SCFD2: variants seen among roughly 807,000 people sequenced by gnomAD.
The protein encoded by SCFD2 is sec1 family domain-containing protein 2.
In SCFD2, 54 loss-of-function variants were observed where a neutral mutation model predicts 58.9. That is an observed-to-expected ratio of 0.92 (90% CI 0.74 to 1.15). The LOEUF is 1.15. Ranked by LOEUF, SCFD2 falls within the 50% of genes most tolerant of loss-of-function variation. The probability of loss-of-function intolerance (pLI) is 0.00; values close to 1 mark genes in which losing one functional copy is unlikely to be tolerated. For synonymous variants in SCFD2, 321 were observed against 335.9 expected, an observed-to-expected ratio of 0.96 and a Z score of 0.49; for missense variants, 805 against 836.6, an observed-to-expected ratio of 0.96 and a Z score of 0.47.
At chr4:53,242,431 A>G (rs1729925393) in intron 4 of SCFD2, among the ~76,000 whole-genome samples, 1 of 150,466 alleles carries the variant, frequency 6.6e-6, no homozygotes, top group African/African-American at 2.5e-5. Context: ...CATTATACCA[A>G]AAATAAACCC....
intron 5 of SCFD2, among the ~76,000 whole-genome samples, chr4:53,064,173 A>G (rs1218335796): frequency 6.6e-6 from 1 of 151,906 alleles, no homozygotes; most frequent in East Asian, 1.9e-4. Context: ...GGTTTGTTAC[A>G]TGGGTATGTT....
intron 5 of SCFD2, among the ~76,000 whole-genome samples, chr4:53,033,968 C>A (rs1159191737): frequency 6.6e-6 from 1 of 152,124 alleles, no homozygotes; most frequent in Admixed American, 6.5e-5. Context: ...TTTTATGAGG[C>A]CAGAATCATC....
At chr4:53,330,924 A>G (rs1403956330) in intron 2 of SCFD2, among the ~76,000 whole-genome samples, 2 of 151,810 alleles carry the variant, frequency 1.3e-5, no homozygotes, top group Admixed American at 1.3e-4. Context: ...ATGGAAAACA[A>G]AAAAAGGCAG....
intron 3 of SCFD2, among the ~76,000 whole-genome samples, chr4:53,278,368 A>AG (rs1731399677): frequency 6.7e-6 from 1 of 148,524 alleles, no homozygotes; most frequent in East Asian, 2.0e-4. Context: ...TAAAAAAAAA[A>AG]AAAAAGAAAA....
intron 5 of SCFD2, among the ~76,000 whole-genome samples, chr4:53,122,130 A>T (rs1348645238): frequency 6.6e-6 from 1 of 152,146 alleles, no homozygotes; most frequent in Non-Finnish European, 1.5e-5. Context: ...TAATCCCAGC[A>T]CTTCGGGAGG....
chr4:53,356,952 C>G (rs1323467548), intron 1 of SCFD2, among the ~76,000 whole-genome samples: 2 of 151,764 alleles, frequency 1.3e-5, no homozygotes, highest in African/African-American at 4.8e-5. Context: ...ATTTTTAAAC[C>G]ACCACACCTA....
At chr4:53,319,208 T>C (rs1560444938) in intron 2 of SCFD2, among the ~76,000 whole-genome samples, 2 of 152,344 alleles carry the variant, frequency 1.3e-5, no homozygotes, top group East Asian at 3.9e-4. Context: ...TCCACATTAA[T>C]TCCGGAAGCA....
At chr4:52,999,719 C>A (rs1423136073) in intron 5 of SCFD2, among the ~76,000 whole-genome samples, 1 of 152,160 alleles carries the variant, frequency 6.6e-6, no homozygotes, top group African/African-American at 2.4e-5. Context: ...TTGCCTGCTT[C>A]TTCTATAATG....
chr4:53,132,324 AT>A (rs1375465124), intron 5 of SCFD2, among the ~76,000 whole-genome samples: 4 of 152,226 alleles, frequency 2.6e-5, no homozygotes, highest in Non-Finnish European at 5.9e-5. Context: ...CCTGGGAGTG[AT>A]TTTGGCAGAC....
chr4:53,220,982 T>C (rs149857241), intron 4 of SCFD2, among the ~76,000 whole-genome samples: 5 of 152,232 alleles, frequency 3.3e-5, no homozygotes, highest in Non-Finnish European at 7.4e-5. Flanking sequence ...ACTTTAATCA[T>C]AGAAAAAAAT....
intron 5 of SCFD2, among the ~76,000 whole-genome samples, chr4:53,022,005 A>G (rs1722360867): frequency 6.6e-6 from 1 of 152,190 alleles, no homozygotes; most frequent in South Asian, 2.1e-4. Context: ...AGGGGGTCAC[A>G]GGTCCATGTA....
chr4:52,921,392 TAAC>T (rs1300060343), intron 5 of SCFD2, among the ~76,000 whole-genome samples: 2 of 152,170 alleles, frequency 1.3e-5, no homozygotes, highest in Non-Finnish European at 2.9e-5. Flanking sequence ...CAGGGGGACT[TAAC>T]AAGAAGACGG....
intron 8 of SCFD2, among the ~76,000 whole-genome samples, chr4:52,884,387 A>C (rs1235592838): frequency 2.0e-5 from 3 of 152,008 alleles, no homozygotes; most frequent in Non-Finnish European, 2.9e-5. Context: ...TAACACCCCC[A>C]GAGTCAAGTC....
At chr4:52,971,532 A>G (rs1721100799) in intron 5 of SCFD2, among the ~76,000 whole-genome samples, 1 of 152,242 alleles carries the variant, frequency 6.6e-6, no homozygotes, top group Non-Finnish European at 1.5e-5. Flanking sequence ...GACCAAATCT[A>G]CATCTGATTG....
rs186522195 is a variant in SCFD2, at chr4:53,052,988, G to A, written c.1561+92345C>T. The stretch of plus-strand genomic sequence containing the variant: ...TGTAATCCCAGCACATTGGGAGGCC[G>A]AGGTGGGTGGATCACTTGCGGTCAG... On this transcript the variant is annotated intron_variant, in intron 5 of 8. Coordinates refer to ENST00000401642, the MANE Select transcript of SCFD2 (RefSeq NM_152540.4). Among the ~76,000 whole-genome samples, 42 of 152,238 alleles carry A rather than the reference G, an allele frequency of 2.8e-4. No individual in the cohort carries two copies. The South Asian group carries it at 6.6e-3, about 24-fold the overall frequency.
At chr4:53,290,887 T>C (rs1731817570) in intron 3 of SCFD2, among the ~76,000 whole-genome samples, 1 of 152,020 alleles carries the variant, frequency 6.6e-6, no homozygotes, top group African/African-American at 2.4e-5. Context: ...TGTAACATAG[T>C]AAAATTGAAT....
chr4:53,140,629 TA>T (rs147253183), intron 5 of SCFD2, among the ~76,000 whole-genome samples: 4,128 of 152,010 alleles, frequency 0.027, 86 homozygotes, highest in Non-Finnish European at 0.044. Context: ...GACAGATTAA[TA>T]AGCATAGGCA....
At chr4:53,071,256 C>T (rs1723806221) in intron 5 of SCFD2, among the ~76,000 whole-genome samples, 1 of 152,120 alleles carries the variant, frequency 6.6e-6, no homozygotes. Context: ...GATGAATTTT[C>T]TCTGGAGTCT....
intron 8 of SCFD2, among the ~76,000 whole-genome samples, chr4:52,876,751 G>C (rs1718483353): frequency 1.0e-5 from 1 of 96,394 alleles, no homozygotes; most frequent in East Asian, 3.4e-4. Context: ...CTCTGTCTCT[G>C]TCTCGAAAAA....
Sources: allele counts gnomAD v4.1 joint callset (sites outside exome capture counted in the v4.1 genomes callset), GRCh38; gene constraint gnomAD v4.1.1; transcripts MANE v1.5; gene names NCBI Gene and HGNC (gene_info 2026-07-23, HGNC 2026-07-21).